Variants in NEK4 observed in about 807,000 individuals in gnomAD.
The protein encoded by NEK4 is serine/threonine-protein kinase Nek4.
Under a neutral mutation model 98.4 loss-of-function variants are expected in NEK4, and 86 were observed. The ratio of observed to expected loss-of-function variants is 0.87; its 90% CI spans 0.73 to 1.05. The LOEUF (loss-of-function observed/expected upper bound fraction) is 1.05, where lower values mean the gene tolerates loss of function less well. NEK4 is among the 50% of genes least tolerant of loss of function. The probability of loss-of-function intolerance (pLI) is 0.00; values close to 1 mark genes in which losing one functional copy is unlikely to be tolerated. For synonymous variants in NEK4, 328 were observed against 342.2 expected (o/e 0.96, Z 0.46); for missense variants, 898 against 950.3 (o/e 0.94, Z 0.72).
At chr3:52,723,257 G>T (rs2097361681) in intron 15 of NEK4, among the ~76,000 whole-genome samples, 1 of 151,834 alleles carries the variant, frequency 6.6e-6, no homozygotes, top group African/African-American at 2.4e-5. Flanking sequence ...GACATAAAAA[G>T]AAAAAAAGAA....
chr3:52,709,142 C>T lies in NEK4; in HGVS notation c.*2635G>A, dbSNP rs999787948. 6.6e-6 allele frequency: 1 copy of T among 150,750 alleles called. No individual in the cohort carries two copies. Among genetic ancestry groups the T allele is most frequent in the Admixed American group, 6.6e-5 (1 of 15,154 alleles). The allele number at this position is 150,750 out of a possible 1,614,324, so 9.3% of individuals were successfully genotyped here. A position where few individuals can be genotyped will look rare whatever the true frequency, so the allele number is the denominator to read the frequency against. The stretch of plus-strand genomic sequence containing the variant: ...TAGGCTGCAGTGAGCCAAGATCGCA[C>T]CACTGTACTCCAGCCTGGGCAACAA... On this transcript the variant is annotated 3_prime_UTR_variant, in exon 16 of 16. Coordinates refer to ENST00000233027, the MANE Select transcript of NEK4 (RefSeq NM_003157.6).
At chr3:52,716,876 G>C (rs1038878757) in intron 15 of NEK4, among the ~76,000 whole-genome samples, 3 of 152,230 alleles carry the variant, frequency 2.0e-5, no homozygotes, top group African/African-American at 7.2e-5. Context: ...CCGCCTAAGT[G>C]AGACAAAAAT....
chr3:52,767,691 C>T (rs1173785934), intron 2 of NEK4, among the ~76,000 whole-genome samples: 1 of 149,834 alleles, frequency 6.7e-6, no homozygotes, highest in Non-Finnish European at 1.5e-5. Context: ...GCACTCCAGC[C>T]TAGATAACAA....
intron 7 of NEK4, 102 bp downstream of exon 7, chr3:52,751,830 G>T (rs1283263988): frequency 9.7e-6 from 11 of 1,133,880 alleles, no homozygotes; most frequent in Non-Finnish European, 1.4e-5. Context: ...CTGATACATA[G>T]AATTACTGAT....
intron 11 of NEK4, 95 bp from the exon 12 acceptor site, chr3:52,743,556 T>A: frequency 2.2e-6 from 2 of 896,184 alleles, no homozygotes; most frequent in Non-Finnish European, 3.6e-6. Flanking sequence ...CAGCAGGAGC[T>A]AGCCCAAAAG....
chr3:52,752,900 C>CAAAAAAAAAAAAAAAAAAAAAAA (rs71087016), intron 6 of NEK4, among the ~76,000 whole-genome samples: 3 of 49,936 alleles, frequency 6.0e-5, no homozygotes, highest in Non-Finnish European at 7.7e-5. Context: ...AACCCTGCCT[C>CAAAAAAAAAAAAAAAAAAAAAAA]AAAAAAAAAA....
chr3:52,744,284 C>T lies in NEK4; in HGVS notation c.1849G>A (p.Glu617Lys). ...TGTGACTGCTTTAGTCGCCTCCTCTCTCTGGCTGATAATGGTCGATCCTTT... is the reference window on the plus strand; with the variant it reads ...TGTGACTGCTTTAGTCGCCTCCTCTTTCTGGCTGATAATGGTCGATCCTTT... Reference protein sequence around the residue: ...SSKDRPLSARERRRLKQSQEE... With the variant: ...SSKDRPLSARKRRRLKQSQEE... The change falls in exon 11 of 16, where the codon GAG becomes AAG. Residue 617 changes from glutamate (E) to lysine (K), a missense_variant. By Grantham distance (56) the Glu-to-Lys change is moderately conservative (BLOSUM62 1). Transcript: ENST00000233027. The T allele has an allele frequency of 9.9e-6, 16 of 1,613,878 alleles. 1 individual carries two copies. The highest frequency in any genetic ancestry group is 1.1e-5 in the Non-Finnish European group (13 of 1,179,748).
intron 15 of NEK4, among the ~76,000 whole-genome samples, chr3:52,734,478 T>C (rs1446085401): frequency 7.4e-6 from 1 of 135,396 alleles, no homozygotes; most frequent in Non-Finnish European, 1.6e-5. Flanking sequence ...ATCGAGACCA[T>C]CCTGGCCAAC....
chr3:52,744,412 G>T, intron 10 of NEK4, 107 bp from the exon 11 acceptor site: 2 of 896,790 alleles, frequency 2.2e-6, no homozygotes, highest in Non-Finnish European at 3.7e-6. Flanking sequence ...TGAGCTGGAT[G>T]CGGTGGCTCA....
In NEK4 at chr3:52,743,477, T is replaced by C. The variant is rs2097390237; in HGVS notation, c.1895-16A>G. ...ACTGAAGGGCCTGAAAAGGCAAACATCCCCAGTAGTTGTTTGTGGTGGGCT... is the reference window on the plus strand; with the variant it reads ...ACTGAAGGGCCTGAAAAGGCAAACACCCCCAGTAGTTGTTTGTGGTGGGCT... On this transcript the variant is annotated splice_polypyrimidine_tract_variant and intron_variant, in intron 11 of 15. Coordinates refer to ENST00000233027, the MANE Select transcript of NEK4 (RefSeq NM_003157.6). 1 of 1,594,762 alleles carries C rather than the reference T, an allele frequency of 6.3e-7. No homozygotes were observed. The highest frequency in any genetic ancestry group is 1.3e-5 in the African/African-American group (1 of 74,560).
rs765589671 is a variant in NEK4 at position 52,763,526 on chromosome 3, G to A, written c.765C>T (p.Ile255=). 29 of 1,614,024 alleles carry A rather than the reference G, an allele frequency of 1.8e-5. No homozygotes were observed. The highest frequency in any genetic ancestry group is 2.5e-5 in the Non-Finnish European group (29 of 1,180,008). ...RPEERPSVRS[I]LRQPYIKRQI... ...GCCGCTTTATATAAGGCTGCCTCAG[G>A]ATGCTCCTCACAGACGGCCTTTCTT... Residue 255 remains isoleucine, a synonymous_variant, in exon 5 of 16, where the codon ATC becomes ATT. Coordinates refer to ENST00000233027, the MANE Select transcript of NEK4 (RefSeq NM_003157.6).
At chr3:52,768,817 C>T (rs191101411) in intron 1 of NEK4, among the ~76,000 whole-genome samples, 1 of 151,978 alleles carries the variant, frequency 6.6e-6, no homozygotes, top group East Asian at 1.9e-4. Context: ...CAGTGTAGGG[C>T]CACAAAAATT....
chr3:52,745,695 T>C (rs2097394848), intron 10 of NEK4, among the ~76,000 whole-genome samples: 1 of 152,156 alleles, frequency 6.6e-6, no homozygotes, highest in Non-Finnish European at 1.5e-5. Flanking sequence ...CACAAGACTT[T>C]ACAAACAAAA....
intron 8 of NEK4, chr3:52,747,454 CAA>C (rs80245076): frequency 3.2e-4 from 22 of 68,856 alleles, no homozygotes; most frequent in South Asian, 8.0e-4. Context: ...GACTCCATCT[CAA>C]AAAAAAAAAA....
In NEK4 at chr3:52,725,172, A is replaced by G. The variant is rs2154102440; in HGVS notation, c.2433+12414T>C. ...CGTTTTGTTTTCCATATAATTTAAGAGACTAATGCATTTTAAAAACCAATT... is the reference window on the plus strand; with the variant it reads ...CGTTTTGTTTTCCATATAATTTAAGGGACTAATGCATTTTAAAAACCAATT... On this transcript the variant is annotated intron_variant, in intron 15 of 15. Coordinates refer to ENST00000233027, the MANE Select transcript of NEK4 (RefSeq NM_003157.6). Among the ~76,000 whole-genome samples the G allele has an allele frequency of 1.3e-5, 2 of 152,336 alleles. 1 individual carries two copies. Among genetic ancestry groups the G allele is most frequent in the South Asian group, 4.1e-4 (2 of 4,830 alleles).
intron 13 of NEK4, 108 bp downstream of exon 13, chr3:52,741,303 A>T: frequency 1.6e-6 from 1 of 623,270 alleles, no homozygotes; most frequent in East Asian, 2.9e-5. Flanking sequence ...ACCATTTATA[A>T]TTTTATCAGT....
chr3:52,733,144 T>C (rs2097371548), intron 15 of NEK4: 1 of 182,206 alleles, frequency 5.5e-6, no homozygotes, highest in Non-Finnish European at 1.2e-5. Flanking sequence ...GTTTTTAGAG[T>C]GTCTGCAAGT....
chr3:52,750,469 C>T (rs2097403183), intron 7 of NEK4, among the ~76,000 whole-genome samples: 1 of 152,142 alleles, frequency 6.6e-6, no homozygotes, highest in South Asian at 2.1e-4. Flanking sequence ...AATCATTGAA[C>T]CCAGGAGGCA....
At chr3:52,725,775 A>G (rs1377973721) in intron 15 of NEK4, among the ~76,000 whole-genome samples, 5 of 152,186 alleles carry the variant, frequency 3.3e-5, no homozygotes, top group Non-Finnish European at 7.3e-5. Context: ...AAAATCAACT[A>G]AACACAAAAG....
Sources: allele counts gnomAD v4.1 joint callset (sites outside exome capture counted in the v4.1 genomes callset), GRCh38; gene constraint gnomAD v4.1.1; transcripts MANE v1.5; gene names NCBI Gene and HGNC (gene_info 2026-07-23, HGNC 2026-07-21).